PAPSS1: variants seen among roughly 807,000 people sequenced by gnomAD.
PAPSS1 encodes 3'-phosphoadenosine 5'-phosphosulfate synthase 1, also known as bifunctional 3'-phosphoadenosine 5'-phosphosulfate synthase 1.
PAPSS1 carries 50 observed loss-of-function variants against 72.0 expected under a neutral mutation model. The observed-to-expected ratio is 0.69, with a 90% CI of 0.55 to 0.88. The LOEUF (loss-of-function observed/expected upper bound fraction) is 0.88. Ranked by LOEUF, PAPSS1 falls within the 40% of genes least tolerant of loss-of-function variation. PAPSS1 has a pLI of 0.00. For synonymous variants in PAPSS1, 261 were observed against 263.6 expected, an observed-to-expected ratio of 0.99 and a Z score of 0.09; for missense variants, 657 against 782.2, an observed-to-expected ratio of 0.84 and a Z score of 1.91.
At chr4:107,693,147 G>A (rs1722980803) in intron 3 of PAPSS1, among the ~76,000 whole-genome samples, 1 of 152,056 alleles carries the variant, frequency 6.6e-6, no homozygotes, top group Non-Finnish European at 1.5e-5. Flanking sequence ...AATAAAAGTT[G>A]AAGAAAATAA....
intron 1 of PAPSS1, among the ~76,000 whole-genome samples, chr4:107,702,828 A>C (rs1351693960): frequency 1.3e-5 from 2 of 152,226 alleles, no homozygotes; most frequent in African/African-American, 4.8e-5. Context: ...GAGAATGCCA[A>C]TATCTACTCT....
At chr4:107,710,242 C>G (rs891349777) in intron 1 of PAPSS1, among the ~76,000 whole-genome samples, 5 of 152,040 alleles carry the variant, frequency 3.3e-5, no homozygotes, top group Non-Finnish European at 4.4e-5. Flanking sequence ...CTTCTGTGCC[C>G]TAGTTTCCAT....
intron 4 of PAPSS1, among the ~76,000 whole-genome samples, chr4:107,685,939 C>G (rs1032640173): frequency 3.3e-5 from 5 of 152,226 alleles, no homozygotes; most frequent in African/African-American, 1.2e-4. Flanking sequence ...ACCTGCATGA[C>G]TCACTGATCC....
chr4:107,639,606 T>C (rs1726484958), intron 10 of PAPSS1, among the ~76,000 whole-genome samples: 1 of 152,198 alleles, frequency 6.6e-6, no homozygotes, highest in Admixed American at 6.5e-5. Context: ...TGTGTCATAC[T>C]ACTCAATAAA....
At chr4:107,640,014 T>A (rs1001762061) in intron 10 of PAPSS1, among the ~76,000 whole-genome samples, 3 of 152,232 alleles carry the variant, frequency 2.0e-5, no homozygotes, top group Non-Finnish European at 4.4e-5. Context: ...CAAATTCAAC[T>A]GATAATCCTC....
chr4:107,655,979 T>A (rs969468642), intron 7 of PAPSS1, among the ~76,000 whole-genome samples: 1 of 152,224 alleles, frequency 6.6e-6, no homozygotes, highest in African/African-American at 2.4e-5. Flanking sequence ...AAAAACTTGG[T>A]AGCAATTATA....
chr4:107,685,587 T>C (rs1173315666), intron 4 of PAPSS1, among the ~76,000 whole-genome samples: 1 of 152,214 alleles, frequency 6.6e-6, no homozygotes, highest in Non-Finnish European at 1.5e-5. Flanking sequence ...TTAAGCAGCC[T>C]GATCTTTCTG....
Position 107,693,883 on chromosome 4 carries a change from C to A in PAPSS1, c.299G>T (p.Gly100Val). Residue 100 changes from glycine to valine, a missense_variant, in exon 3 of 12, where the codon GGC becomes GTC. Physicochemically the swap from Gly to Val is moderately radical, Grantham distance 109. Coordinates refer to ENST00000265174, the MANE Select transcript of PAPSS1 (RefSeq NM_005443.5). The stretch of plus-strand genomic sequence containing the variant: ...CTCTTCTCTGTCTTCAGGACTAAAG[C>A]CAAGATTTTTATTGAGACCTTGACG... The part of the protein sequence containing the change: ...NIRQGLNKNL[G>V]FSPEDREENV... 6.2e-7 allele frequency: 1 copy of A among 1,613,852 alleles called. No individual in the cohort carries two copies. Among genetic ancestry groups the A allele is most frequent in the Admixed American group, 1.7e-5 (1 of 59,954 alleles).
intron 11 of PAPSS1, among the ~76,000 whole-genome samples, chr4:107,615,668 G>C (rs1725800248): frequency 1.3e-5 from 2 of 152,140 alleles, no homozygotes; most frequent in Non-Finnish European, 2.9e-5. Flanking sequence ...AGTCATTAAA[G>C]TACGGATGGG....
chr4:107,628,250 G>T (rs1726148212), intron 11 of PAPSS1, among the ~76,000 whole-genome samples: 1 of 152,140 alleles, frequency 6.6e-6, no homozygotes, highest in African/African-American at 2.4e-5. Flanking sequence ...TCATTAATGA[G>T]AAACCTAACA....
intron 4 of PAPSS1, among the ~76,000 whole-genome samples, chr4:107,682,858 A>G (rs183855740): frequency 6.1e-4 from 93 of 152,370 alleles, no homozygotes; most frequent in African/African-American, 2.1e-3. Flanking sequence ...ACAAGTTTTA[A>G]GACAAATGAA....
intron 1 of PAPSS1, among the ~76,000 whole-genome samples, chr4:107,711,112 C>T (rs2125941628): frequency 1.3e-5 from 2 of 152,310 alleles, no homozygotes; most frequent in East Asian, 3.9e-4. Flanking sequence ...AAGCTAGATA[C>T]AAGACATTTA....
At chr4:107,653,346 G>A (rs545997952) in intron 9 of PAPSS1, 145 bp downstream of exon 9, 1 of 587,838 alleles carries the variant, frequency 1.7e-6, no homozygotes. Flanking sequence ...ACCCAGGCTA[G>A]TTTTGATTGA....
chr4:107,646,625 A>G lies in PAPSS1; in HGVS notation c.1238-1555T>C, dbSNP rs531514216. Among the ~76,000 whole-genome samples the G allele has an allele frequency of 3.4e-3, 482 of 142,898 alleles. 4 individuals are homozygous for G. The highest frequency in any genetic ancestry group is 0.012 in the African/African-American group (462 of 38,942). The allele number at this position is 142,898 out of a possible 152,430, so 93.7% of individuals were successfully genotyped here. On this transcript the variant is annotated intron_variant, in intron 9 of 11. Coordinates refer to ENST00000265174, the MANE Select transcript of PAPSS1 (RefSeq NM_005443.5). ...GACATCTGATGAAGGCTCATCTGAC[A>G]GACCACAGTCTACACACTGGTGAAT...
At chr4:107,641,155 T>G (rs548653957) in intron 10 of PAPSS1, among the ~76,000 whole-genome samples, 77 of 152,316 alleles carry the variant, frequency 5.1e-4, no homozygotes, top group African/African-American at 1.8e-3. Context: ...ATTGCCCAAC[T>G]GTAGCAAAAA....
At chr4:107,689,694 G>A (rs910596222) in intron 3 of PAPSS1, among the ~76,000 whole-genome samples, 2 of 151,890 alleles carry the variant, frequency 1.3e-5, no homozygotes, top group Non-Finnish European at 2.9e-5. Context: ...CCTCATCTAG[G>A]TTTCAACTAA....
chr4:107,705,322 A>G (rs1723313878), intron 1 of PAPSS1, among the ~76,000 whole-genome samples: 2 of 152,228 alleles, frequency 1.3e-5, no homozygotes, highest in African/African-American at 4.8e-5. Context: ...AGGTGATCAG[A>G]TCATGGGGGT....
At position 107,682,504 on chromosome 4, in the gene PAPSS1, G is replaced by A. The variant is rs1258057085; in HGVS notation, c.551-371C>T. Among the ~76,000 whole-genome samples the A allele has an allele frequency of 7.9e-5, 12 of 152,184 alleles. No homozygotes were observed. In the East Asian group the frequency reaches 1.9e-3, roughly 24 times the overall value. On this transcript the variant is annotated intron_variant, in intron 4 of 11. Coordinates refer to ENST00000265174, the MANE Select transcript of PAPSS1 (RefSeq NM_005443.5). ...GACGTGTTGCACTGACCATGAAAGTGCCAGGAGTACTGATGTGGAGATTAC... is the reference window on the plus strand; with the variant it reads ...GACGTGTTGCACTGACCATGAAAGTACCAGGAGTACTGATGTGGAGATTAC...
At chr4:107,635,254 C>T (rs1726339197) in intron 10 of PAPSS1, among the ~76,000 whole-genome samples, 1 of 151,994 alleles carries the variant, frequency 6.6e-6, no homozygotes, top group Admixed American at 6.5e-5. Context: ...TTGAAAAAGA[C>T]AAGTTCCCTA....
Sources: gnomAD v4.1 joint callset for allele counts (sites outside exome capture counted in the v4.1 genomes callset) on GRCh38, gnomAD v4.1.1 for gene constraint, MANE v1.5 for transcripts, NCBI Gene and HGNC (gene_info 2026-07-23, HGNC 2026-07-21) for gene names.